Variants in MAGI2 observed in about 807,000 individuals in gnomAD.
MAGI2 encodes the protein membrane associated guanylate kinase, WW and PDZ domain containing 2.
MAGI2 carries 35 observed loss-of-function variants against 133.3 expected under a neutral mutation model. That is an observed-to-expected ratio of 0.26 (90% CI 0.20 to 0.35). The LOEUF (loss-of-function observed/expected upper bound fraction) is 0.35. MAGI2 is among the 10% of genes least tolerant of loss of function. MAGI2 has a pLI of 1.00. For missense variants in MAGI2, 1,636 were observed against 1,863.4 expected, an observed-to-expected ratio of 0.88 and a Z score of 2.25; for synonymous variants, 729 against 710.6, an observed-to-expected ratio of 1.03 and a Z score of -0.41.
At chr7:78,573,365 A>ATATATATATATAT (rs1801906363) in intron 3 of MAGI2, among the ~76,000 whole-genome samples, 1 of 29,048 alleles carries the variant, frequency 3.4e-5, no homozygotes, top group Non-Finnish European at 5.2e-5. Context: ...GAATCCTGGA[A>ATATATATATATAT]ATATATATAT....
chr7:79,077,323 C>T (rs1169218704), intron 1 of MAGI2, among the ~76,000 whole-genome samples: 4 of 151,486 alleles, frequency 2.6e-5, no homozygotes, highest in Non-Finnish European at 4.4e-5. Flanking sequence ...TTTGGAAGGC[C>T]GAGGCGGGCG....
intron 16 of MAGI2, among the ~76,000 whole-genome samples, chr7:78,143,923 A>AG (rs1823020081): frequency 6.8e-6 from 1 of 147,286 alleles, no homozygotes; most frequent in Non-Finnish European, 1.5e-5. Flanking sequence ...TAGTCCTATA[A>AG]GTTTTTTTTT....
At chr7:78,833,185 G>T (rs897616193) in intron 2 of MAGI2, among the ~76,000 whole-genome samples, 2 of 152,084 alleles carry the variant, frequency 1.3e-5, no homozygotes, top group Admixed American at 1.3e-4. Flanking sequence ...CTGTTTTAAG[G>T]CTCTGTTAGA....
intron 21 of MAGI2, among the ~76,000 whole-genome samples, chr7:78,074,768 A>G (rs900547166): frequency 3.9e-5 from 6 of 152,238 alleles, no homozygotes; most frequent in African/African-American, 1.4e-4. Flanking sequence ...ATTCTGTTTC[A>G]TGATATAATC....
In MAGI2 at chr7:78,324,433, C is replaced by T. The variant is rs774961388; in HGVS notation, c.1408+19345G>A. ...ACAGTAGTCAAGACAGGTTTGGATC[C>T]CAGGCTTATTGCACACTGCTGGTGT... On this transcript the variant is annotated intron_variant, in intron 9 of 21. Coordinates refer to ENST00000354212, the MANE Select transcript of MAGI2 (RefSeq NM_012301.4). 3.3e-5 allele frequency among the ~76,000 whole-genome samples: 5 copies of T among 152,098 alleles called. No homozygotes were observed. The South Asian group carries it at 1.0e-3, about 32-fold the overall frequency.
At chr7:78,211,517 C>G (rs1429108622) in intron 10 of MAGI2, among the ~76,000 whole-genome samples, 1 of 152,162 alleles carries the variant, frequency 6.6e-6, no homozygotes, top group Non-Finnish European at 1.5e-5. Flanking sequence ...GAGGGAGACC[C>G]TGGATTTGCT....
Position 78,703,606 on chromosome 7 carries a change from C to T in MAGI2, c.419-76367G>A, listed in dbSNP as rs143019544. Among the ~76,000 whole-genome samples the T allele has an allele frequency of 3.5e-3, 539 of 152,100 alleles. 6 individuals are homozygous for T. The highest frequency in any genetic ancestry group is 0.012 in the African/African-American group (505 of 41,524). ...AACTAATGCTCCAAAAAGCACTTCC[C>T]TATAGATATGAATCACAAGCCAATT... On this transcript the variant is annotated intron_variant, in intron 2 of 21. Coordinates refer to ENST00000354212, the MANE Select transcript of MAGI2 (RefSeq NM_012301.4).
intron 9 of MAGI2, among the ~76,000 whole-genome samples, chr7:78,273,402 C>T (rs891412825): frequency 6.6e-6 from 1 of 152,258 alleles, no homozygotes; most frequent in Admixed American, 6.5e-5. Flanking sequence ...GTGAATCTGA[C>T]AATTATGTGT....
chr7:78,868,233 C>T (rs968701190), intron 2 of MAGI2, among the ~76,000 whole-genome samples: 1 of 152,090 alleles, frequency 6.6e-6, no homozygotes, highest in Non-Finnish European at 1.5e-5. Context: ...TAGTCAAAAA[C>T]AAACTTAGAA....
intron 6 of MAGI2, among the ~76,000 whole-genome samples, chr7:78,381,026 G>A (rs1008014372): frequency 6.6e-6 from 1 of 152,036 alleles, no homozygotes; most frequent in Non-Finnish European, 1.5e-5. Context: ...ATTTACCATA[G>A]TAATCTTCAA....
intron 21 of MAGI2, among the ~76,000 whole-genome samples, chr7:78,062,646 C>A (rs1374921030): frequency 2.0e-5 from 3 of 151,740 alleles, no homozygotes; most frequent in African/African-American, 7.3e-5. Flanking sequence ...GCGCTCCTCT[C>A]TCTGTATGCA....
At chr7:78,875,263 G>T (rs1333491360) in intron 2 of MAGI2, among the ~76,000 whole-genome samples, 1 of 152,202 alleles carries the variant, frequency 6.6e-6, no homozygotes, top group African/African-American at 2.4e-5. Flanking sequence ...TTGATTGGGT[G>T]CATTCCAGAA....
intron 2 of MAGI2, among the ~76,000 whole-genome samples, chr7:78,870,001 A>G (rs1794900602): frequency 6.6e-6 from 1 of 152,128 alleles, no homozygotes; most frequent in African/African-American, 2.4e-5. Flanking sequence ...ATAGCCTTGT[A>G]GTATAGTTTG....
At chr7:78,698,850 G>A (rs1817779030) in intron 2 of MAGI2, among the ~76,000 whole-genome samples, 1 of 151,970 alleles carries the variant, frequency 6.6e-6, no homozygotes, top group Non-Finnish European at 1.5e-5. Flanking sequence ...ACAGCATGAG[G>A]GTAACCACCC....
intron 20 of MAGI2, among the ~76,000 whole-genome samples, chr7:78,109,199 G>A (rs1226115561): frequency 5.4e-5 from 8 of 148,616 alleles, no homozygotes; most frequent in African/African-American, 2.0e-4. Flanking sequence ...AGCTACTCGG[G>A]AGGCTGAGGC....
At chr7:79,132,687 A>T (rs1462784918) in intron 1 of MAGI2, among the ~76,000 whole-genome samples, 1 of 152,070 alleles carries the variant, frequency 6.6e-6, no homozygotes. Context: ...TGAATAGTGG[A>T]TCTACTTTTA....
intron 1 of MAGI2, among the ~76,000 whole-genome samples, chr7:79,103,127 C>T (rs1279851236): frequency 6.6e-6 from 1 of 152,190 alleles, no homozygotes; most frequent in Admixed American, 6.5e-5. Flanking sequence ...CCTACTGATT[C>T]TGTTTCTTTT....
At chr7:78,372,754 C>G (rs189736023) in intron 6 of MAGI2, among the ~76,000 whole-genome samples, 2 of 152,202 alleles carry the variant, frequency 1.3e-5, no homozygotes, top group Non-Finnish European at 2.9e-5. Flanking sequence ...TAAACACGCA[C>G]CTAGCTTTGC....
At chr7:79,143,973 ATAAT>A (rs1256759747) in intron 1 of MAGI2, among the ~76,000 whole-genome samples, 3 of 152,192 alleles carry the variant, frequency 2.0e-5, no homozygotes, top group African/African-American at 7.2e-5. Flanking sequence ...CAGAAGATAG[ATAAT>A]TAATACCTAA....
Sources: allele counts gnomAD v4.1 joint callset (sites outside exome capture counted in the v4.1 genomes callset), GRCh38; gene constraint gnomAD v4.1.1; transcripts MANE v1.5; gene names NCBI Gene and HGNC (gene_info 2026-07-23, HGNC 2026-07-21).